Variants in NR6A1 observed in about 807,000 individuals in gnomAD.
The protein encoded by NR6A1 is retinoic acid receptor-related testis-associated receptor.
A neutral mutation model predicts 59.1 loss-of-function variants in NR6A1; 7 were observed. That is an observed-to-expected ratio of 0.12 (90% CI 0.07 to 0.22). The LOEUF (loss-of-function observed/expected upper bound fraction) is 0.22. Among genes scored for constraint, NR6A1 ranks in the 10% least tolerant of loss-of-function variants. The pLI, the probability that NR6A1 is intolerant of heterozygous loss-of-function variation, is 1.00. For missense variants in NR6A1, 468 were observed against 611.6 expected (o/e 0.77, Z 2.48); for synonymous variants, 243 against 236.1 (o/e 1.03, Z -0.27).
At position 124,757,957 on chromosome 9, in the gene NR6A1, T is replaced by A. The variant is rs568345054; in HGVS notation, c.100+13063A>T. Among the ~76,000 whole-genome samples the A allele has an allele frequency of 3.9e-5, 6 of 152,338 alleles. No individual in the cohort carries two copies. In the South Asian group the frequency reaches 1.2e-3, roughly 32 times the overall value. On this transcript the variant is annotated intron_variant, in intron 1 of 9. Transcript: ENST00000487099. Reference sequence around the variant, plus strand: ...GGGCACACTGTACGAAAAGCAAACTTATTTTGAAATATTTTGAAAAGGCTC... The same window carrying A: ...GGGCACACTGTACGAAAAGCAAACTAATTTTGAAATATTTTGAAAAGGCTC...
chr9:124,737,512 C>G (rs573135660), intron 1 of NR6A1, among the ~76,000 whole-genome samples: 2 of 152,122 alleles, frequency 1.3e-5, no homozygotes, highest in Non-Finnish European at 2.9e-5. Context: ...CCCAAATGTA[C>G]GTTAAATTGG....
In NR6A1 at chr9:124,566,174, A is replaced by T. The variant is rs144242732; in HGVS notation, c.143-11604T>A. 4.7e-4 allele frequency among the ~76,000 whole-genome samples: 71 copies of T among 152,358 alleles called. 1 individual carries two copies. The East Asian group carries it at 0.012, about 26-fold the overall frequency. ...ACTTGTACAAACAATGGGCGAAAGAAGTGCGAAAGCAAAGAATAAATACTA... is the reference window on the plus strand; with the variant it reads ...ACTTGTACAAACAATGGGCGAAAGATGTGCGAAAGCAAAGAATAAATACTA... On this transcript the variant is annotated intron_variant, in intron 2 of 9. Transcript: ENST00000487099.
chr9:124,672,273 A>C (rs115720671), intron 2 of NR6A1, among the ~76,000 whole-genome samples: 1 of 152,134 alleles, frequency 6.6e-6, no homozygotes, highest in African/African-American at 2.4e-5. Flanking sequence ...ATTCTTGTAC[A>C]TATCTTTCAG....
intron 2 of NR6A1, among the ~76,000 whole-genome samples, chr9:124,656,763 CG>C (rs1837273665): frequency 6.6e-6 from 1 of 152,080 alleles, no homozygotes. Context: ...ACCCAGGAGG[CG>C]GAAGTTGCAG....
intron 2 of NR6A1, among the ~76,000 whole-genome samples, chr9:124,657,092 A>G (rs1337535677): frequency 6.6e-6 from 1 of 152,166 alleles, no homozygotes; most frequent in Non-Finnish European, 1.5e-5. Flanking sequence ...CAACTTAGAA[A>G]AAAAAAAGAT....
chr9:124,757,073 CA>C (rs1416741809), intron 1 of NR6A1, among the ~76,000 whole-genome samples: 1 of 152,056 alleles, frequency 6.6e-6, no homozygotes, highest in Non-Finnish European at 1.5e-5. Flanking sequence ...CACAGTATCT[CA>C]AATTCTATCT....
At chr9:124,652,708 T>C (rs1023365666) in intron 2 of NR6A1, among the ~76,000 whole-genome samples, 1 of 152,184 alleles carries the variant, frequency 6.6e-6, no homozygotes, top group Non-Finnish European at 1.5e-5. Flanking sequence ...TATCTGAGCA[T>C]GAACTCCAAG....
Position 124,598,727 on chromosome 9 carries a change from T to G in NR6A1, c.143-44157A>C. On this transcript the variant is annotated intron_variant, in intron 2 of 9. Coordinates refer to ENST00000487099, the MANE Select transcript of NR6A1 (RefSeq NM_033334.4). ...GATTTATTGTTTCTCCTCAGCATCC[T>G]CCTTGGTCTTCTCCCTTCTCCTTCA... 4.9e-6 allele frequency: 4 copies of G among 812,332 alleles called. No homozygotes were observed. The South Asian group carries it at 5.5e-5, about 11-fold the overall frequency. 50.3% of individuals were successfully genotyped at this position (812,332 alleles called of 1,614,324 possible).
At chr9:124,547,709 C>T (rs944449837) in intron 3 of NR6A1, among the ~76,000 whole-genome samples, 5 of 152,012 alleles carry the variant, frequency 3.3e-5, no homozygotes, top group African/African-American at 7.3e-5. Flanking sequence ...TGCATGTATT[C>T]GTGAGGAAAC....
chr9:124,716,561 CTTATATG>C (rs550393473), intron 2 of NR6A1, among the ~76,000 whole-genome samples: 110 of 152,300 alleles, frequency 7.2e-4, no homozygotes, highest in African/African-American at 2.6e-3. Flanking sequence ...ATCTGACGGA[CTTATATG>C]TTATATGTAG....
chr9:124,634,646 C>A (rs1036614078), intron 2 of NR6A1, among the ~76,000 whole-genome samples: 18 of 152,108 alleles, frequency 1.2e-4, no homozygotes, highest in Non-Finnish European at 1.8e-4. Flanking sequence ...ACGGTGAAAC[C>A]CCGTCTCTAC....
intron 2 of NR6A1, among the ~76,000 whole-genome samples, chr9:124,627,701 A>G: frequency 6.6e-6 from 1 of 152,036 alleles, no homozygotes; most frequent in East Asian, 1.9e-4. Context: ...CCTCCTAAGT[A>G]GCTCAGACTA....
chr9:124,657,981 A>C (rs990713798), intron 2 of NR6A1, among the ~76,000 whole-genome samples: 1 of 152,162 alleles, frequency 6.6e-6, no homozygotes, highest in African/African-American at 2.4e-5. Flanking sequence ...ATCAAGACCA[A>C]GGGTTGGTCT....
At chr9:124,686,687 T>C (rs1208963927) in intron 2 of NR6A1, among the ~76,000 whole-genome samples, 1 of 151,760 alleles carries the variant, frequency 6.6e-6, no homozygotes, top group African/African-American at 2.4e-5. Flanking sequence ...GGAGAAATCA[T>C]GTGCTTCTTT....
intron 2 of NR6A1, among the ~76,000 whole-genome samples, chr9:124,711,804 T>C (rs1257765075): frequency 6.6e-6 from 1 of 152,198 alleles, no homozygotes; most frequent in Non-Finnish European, 1.5e-5. Flanking sequence ...TGTGTCTTTA[T>C]TGTTAAGATA....
intron 2 of NR6A1, among the ~76,000 whole-genome samples, chr9:124,719,164 A>T (rs1226931362): frequency 6.6e-6 from 1 of 151,436 alleles, no homozygotes; most frequent in Admixed American, 6.6e-5. Flanking sequence ...CAGTGGTGCG[A>T]TCACAACTCA....
At chr9:124,747,139 C>G (rs1306933818) in intron 1 of NR6A1, among the ~76,000 whole-genome samples, 2 of 151,924 alleles carry the variant, frequency 1.3e-5, no homozygotes, top group Non-Finnish European at 2.9e-5. Flanking sequence ...AACTATTTCC[C>G]CTAGAAGCAG....
intron 1 of NR6A1, among the ~76,000 whole-genome samples, chr9:124,750,456 C>T (rs1321714064): frequency 6.6e-6 from 1 of 152,118 alleles, no homozygotes; most frequent in East Asian, 1.9e-4. Flanking sequence ...TACATAAAGG[C>T]ATCTTTAAAA....
At chr9:124,599,858 C>G (rs995417750) in intron 2 of NR6A1, among the ~76,000 whole-genome samples, 5 of 152,194 alleles carry the variant, frequency 3.3e-5, no homozygotes, top group Admixed American at 3.3e-4. Context: ...AACCACGTAT[C>G]TTGAGGACAG....
Sources: allele counts gnomAD v4.1 joint callset (sites outside exome capture counted in the v4.1 genomes callset), GRCh38; gene constraint gnomAD v4.1.1; transcripts MANE v1.5; gene names NCBI Gene and HGNC (gene_info 2026-07-23, HGNC 2026-07-21).